Variants in KIF19 observed in about 807,000 individuals in gnomAD.
The protein encoded by KIF19 is kinesin family member 19, also known as kinesin-like protein KIF19.
A neutral mutation model predicts 106.6 loss-of-function variants in KIF19; 98 were observed. The ratio of observed to expected loss-of-function variants is 0.92; its 90% CI spans 0.78 to 1.09. The LOEUF is 1.09. Among genes scored for constraint, KIF19 ranks in the 50% least tolerant of loss-of-function variants. The pLI, the probability that KIF19 is intolerant of heterozygous loss-of-function variation, is 0.00. For synonymous variants in KIF19, 516 were observed against 584.2 expected, an observed-to-expected ratio of 0.88 and a Z score of 1.68; for missense variants, 1,373 against 1,414.3, an observed-to-expected ratio of 0.97 and a Z score of 0.47.
chr17:74,339,287 G>T, intron 2 of KIF19, among the ~76,000 whole-genome samples: 1 of 150,748 alleles, frequency 6.6e-6, no homozygotes, highest in Non-Finnish European at 1.5e-5. Flanking sequence ...AGACTGCCAG[G>T]CCCCAGTCCT....
intron 2 of KIF19, among the ~76,000 whole-genome samples, chr17:74,333,645 T>A (rs759918436): frequency 5.3e-5 from 8 of 151,490 alleles, no homozygotes; most frequent in Non-Finnish European, 1.0e-4. Context: ...ACAGGTGTAA[T>A]CTTTATCAAC....
At chr17:74,348,287 T>C (rs2054595421) in intron 9 of KIF19, among the ~76,000 whole-genome samples, 2 of 152,226 alleles carry the variant, frequency 1.3e-5, no homozygotes, top group South Asian at 4.1e-4. Flanking sequence ...CCTCCTTTGA[T>C]CCTCAAAAAA....
At position 74,352,948 on chromosome 17, in the gene KIF19, C is replaced by G; in HGVS notation, c.2108C>G (p.Thr703Arg). Residue 703 changes from threonine (T) to arginine (R), a missense_variant, in exon 15 of 20, where the codon ACA becomes AGA. Physicochemically the swap from Thr to Arg is moderately conservative, Grantham distance 71. Transcript: ENST00000389916. The stretch of plus-strand genomic sequence containing the variant: ...AACAGCGCCCTCCCTCCCCTCAGCA[C>G]AGAGAGGTGAGATGGGGGCCACCTG... Reference protein sequence around the residue: ...LQNSALPPLSTESEGHHVFKA... With the variant: ...LQNSALPPLSRESEGHHVFKA... 6.2e-7 allele frequency: 1 copy of G among 1,613,764 alleles called. No individual in the cohort carries two copies. Among genetic ancestry groups the G allele is most frequent in the Non-Finnish European group, 8.5e-7 (1 of 1,179,806 alleles).
Position 74,343,084 on chromosome 17 carries a change from C to T in KIF19, c.380C>T (p.Thr127Ile). 1 of 1,613,222 alleles carries T rather than the reference C, an allele frequency of 6.2e-7. No individual in the cohort carries two copies. Among genetic ancestry groups the T allele is most frequent in the Non-Finnish European group, 8.5e-7 (1 of 1,179,756 alleles). The change falls in exon 5 of 20, where the codon ACC (threonine) becomes ATC (isoleucine). Residue 127 changes from threonine to isoleucine, a missense_variant. Coordinates refer to ENST00000389916, the MANE Select transcript of KIF19 (RefSeq NM_153209.4). ...CAGGAGCCTGGCATCTATGTTCAGA[C>T]CCTCAACGACCTCTTCCGTGCCATC... is the stretch of plus-strand genomic sequence containing the variant. ...TDQEPGIYVQ[T>I]LNDLFRAIEE...
At chr17:74,327,093 T>C (rs1324422382) in intron 1 of KIF19, among the ~76,000 whole-genome samples, 6 of 152,096 alleles carry the variant, frequency 3.9e-5, no homozygotes, top group Non-Finnish European at 8.8e-5. Context: ...CACTAGGCTG[T>C]GGGTGGGTGG....
intron 2 of KIF19, among the ~76,000 whole-genome samples, chr17:74,340,084 C>T (rs868466724): frequency 4.6e-5 from 7 of 152,154 alleles, no homozygotes; most frequent in Non-Finnish European, 7.4e-5. Flanking sequence ...GTCTTCCCAG[C>T]GCTGCAGGTG....
chr17:74,332,774 G>T (rs747629810), intron 2 of KIF19, among the ~76,000 whole-genome samples: 3 of 152,188 alleles, frequency 2.0e-5, no homozygotes, highest in Non-Finnish European at 4.4e-5. Flanking sequence ...GGCAAGAGGA[G>T]CCCTGAGCTC....
At chr17:74,337,041 C>T (rs964361275) in intron 2 of KIF19, among the ~76,000 whole-genome samples, 9 of 152,056 alleles carry the variant, frequency 5.9e-5, no homozygotes, top group African/African-American at 2.2e-4. Context: ...GCCATGTTGG[C>T]CAGGCTGGTC....
intron 12 of KIF19, chr17:74,351,125 G>A (rs761921777): frequency 6.9e-6 from 4 of 578,650 alleles, no homozygotes; most frequent in Non-Finnish European, 1.2e-5. Context: ...TGGGGTTGCT[G>A]GGAAGATTAC....
chr17:74,343,282 A>G (rs2054435805), intron 5 of KIF19, 122 bp downstream of exon 5: 10 of 991,224 alleles, frequency 1.0e-5, no homozygotes. Flanking sequence ...GCTCCACTTT[A>G]CAAACATCGC....
Position 74,344,121 on chromosome 17 carries a change from T to C in KIF19, c.457-102T>C, listed in dbSNP as rs1278416907. 3 of 1,151,492 alleles carry C rather than the reference T, an allele frequency of 2.6e-6. No individual in the cohort carries two copies. In the Admixed American group the frequency reaches 7.1e-5, roughly 27 times the overall value. 71.3% of individuals were successfully genotyped at this position (1,151,492 alleles called of 1,614,324 possible). On this transcript the variant is annotated intron_variant, in intron 5 of 19. Transcript: ENST00000389916. ...GAGCCTGGGCTCAGGAAGGGTGAAC[T>C]CTTGTCCCTTTCCTGCACGAAAGGA...
chr17:74,333,273 C>G (rs938722553), intron 2 of KIF19, among the ~76,000 whole-genome samples: 1 of 152,202 alleles, frequency 6.6e-6, no homozygotes, highest in South Asian at 2.1e-4. Context: ...CCCCTCCCAG[C>G]CCCAGGCAGC....
rs780075657 is a variant in KIF19 at position 74,344,211 on chromosome 17, C to T, written c.457-12C>T. On this transcript the variant is annotated splice_polypyrimidine_tract_variant and intron_variant, in intron 5 of 19. Coordinates refer to ENST00000389916, the MANE Select transcript of KIF19 (RefSeq NM_153209.4). ...CTCCCTTCCCCCACCCCTCCCCCAC[C>T]TGTCCCGTCAGATCTACAATGAGAT... is the stretch of plus-strand genomic sequence containing the variant. 1.2e-6 allele frequency: 2 copies of T among 1,609,196 alleles called. No individual in the cohort carries two copies. Among genetic ancestry groups the T allele is most frequent in the Non-Finnish European group, 1.7e-6 (2 of 1,178,150 alleles).
intron 16 of KIF19, 51 bp from the exon 17 acceptor site, chr17:74,353,443 G>A (rs1161533502): frequency 1.3e-6 from 2 of 1,552,224 alleles, no homozygotes; most frequent in Admixed American, 1.7e-5. Flanking sequence ...TGGGGCATGG[G>A]GTCCCTGCTG....
chr17:74,347,807 A>C lies in KIF19; in HGVS notation c.955A>C (p.Met319Leu). The change falls in exon 9 of 20, where the codon ATG becomes CTG. Residue 319 changes from methionine (M) to leucine (L), a missense_variant. Coordinates refer to ENST00000389916, the MANE Select transcript of KIF19 (RefSeq NM_153209.4). Reference sequence around the variant, plus strand: ...TCTGGGAGGAAACAGCCGCACAGTGATGATCGCTCACATCAGTCCTGCGAG... The same window carrying C: ...TCTGGGAGGAAACAGCCGCACAGTGCTGATCGCTCACATCAGTCCTGCGAG... ...DSLGGNSRTV[M>L]IAHISPASSA... 6.3e-7 allele frequency: 1 copy of C among 1,589,154 alleles called. No homozygotes were observed. The highest frequency in any genetic ancestry group is 8.6e-7 in the Non-Finnish European group (1 of 1,168,288).
In KIF19 at chr17:74,343,135, A is replaced by T. The variant is rs752607583; in HGVS notation, c.431A>T (p.Tyr144Phe). 3 of 1,612,932 alleles carry T rather than the reference A, an allele frequency of 1.9e-6. No homozygotes were observed. The highest frequency in any genetic ancestry group is 4.5e-5 in the East Asian group (2 of 44,872). The change falls in exon 5 of 20, where the codon TAT becomes TTT. Residue 144 changes from tyrosine to phenylalanine, a missense_variant. Physicochemically the swap from Tyr to Phe is conservative, Grantham distance 22 (BLOSUM62 3). Transcript: ENST00000389916. ...AIEETSNDMEYEVSMSYLEIY... is the reference protein window; with the variant it reads ...AIEETSNDMEFEVSMSYLEIY... The stretch of plus-strand genomic sequence containing the variant: ...GAGGAGACCAGCAATGACATGGAGT[A>T]TGAGGTCTCCATGTCCTACCTGGAG...
At position 74,353,319 on chromosome 17, in the gene KIF19, G is replaced by C; in HGVS notation, c.2220+18G>C. The stretch of plus-strand genomic sequence containing the variant: ...CGCAGGAGGTGAGCTCTCAGTACCC[G>C]ATGGCCCCACGAGCTCCACTGCAGC... On this transcript the variant is annotated intron_variant, in intron 16 of 19. Coordinates refer to ENST00000389916, the MANE Select transcript of KIF19 (RefSeq NM_153209.4). 1 of 1,551,184 alleles carries C rather than the reference G, an allele frequency of 6.4e-7. No homozygotes were observed.
chr17:74,353,836 C>T (rs891616760), intron 17 of KIF19, among the ~76,000 whole-genome samples: 2 of 152,194 alleles, frequency 1.3e-5, no homozygotes, highest in African/African-American at 4.8e-5. Flanking sequence ...GGCATGGAGA[C>T]TTATGTCCCC....
chr17:74,353,529 C>T lies in KIF19; in HGVS notation c.2256C>T (p.Asn752=), dbSNP rs546765431. The T allele has an allele frequency of 1.9e-6, 3 of 1,613,930 alleles. No individual in the cohort carries two copies. In the Admixed American group the frequency reaches 5.0e-5, roughly 27 times the overall value. ...PAQDSLGSWI[N]SSPDSSENLS... The stretch of plus-strand genomic sequence containing the variant: ...AGGACAGCCTGGGCAGCTGGATCAA[C>T]TCTTCCCCTGACAGCAGTGAGAACC... Residue 752 remains asparagine, a synonymous_variant, in exon 17 of 20, where the codon AAC becomes AAT. Coordinates refer to ENST00000389916, the MANE Select transcript of KIF19 (RefSeq NM_153209.4).
Sources: allele counts gnomAD v4.1 joint callset (sites outside exome capture counted in the v4.1 genomes callset), GRCh38; gene constraint gnomAD v4.1.1; transcripts MANE v1.5; gene names NCBI Gene and HGNC (gene_info 2026-07-23, HGNC 2026-07-21).